Variants in SORCS2 observed in about 807,000 individuals in gnomAD.
SORCS2 encodes the protein sortilin related VPS10 domain containing receptor 2.
In SORCS2, 100 loss-of-function variants were observed where a neutral mutation model predicts 141.6. The ratio of observed to expected loss-of-function variants is 0.71; its 90% CI spans 0.60 to 0.83. SORCS2 has a LOEUF of 0.83. Among genes scored for constraint, SORCS2 ranks in the 40% least tolerant of loss-of-function variants. The pLI is 0.00. For missense variants in SORCS2, 1,646 were observed against 1,560.2 expected (o/e 1.05, Z -0.93); for synonymous variants, 789 against 676.9 (o/e 1.17, Z -2.57).
intron 2 of SORCS2, among the ~76,000 whole-genome samples, chr4:7,512,432 A>C: frequency 8.0e-6 from 1 of 125,104 alleles, no homozygotes; most frequent in South Asian, 2.8e-4. Context: ...AGGAGGGGGA[A>C]GGGAGGGAGG....
At chr4:7,416,301 G>A (rs962617335) in intron 2 of SORCS2, among the ~76,000 whole-genome samples, 14 of 152,140 alleles carry the variant, frequency 9.2e-5, no homozygotes, top group Admixed American at 7.8e-4. Flanking sequence ...GTGGGCAAAG[G>A]AGGCGTGGTA....
At chr4:7,202,049 T>C (rs1053045946) in intron 1 of SORCS2, among the ~76,000 whole-genome samples, 2 of 151,350 alleles carry the variant, frequency 1.3e-5, no homozygotes. Context: ...CATGGGGCTG[T>C]CAGTCTAAGT....
intron 1 of SORCS2, among the ~76,000 whole-genome samples, chr4:7,315,991 A>T (rs945523832): frequency 3.9e-5 from 6 of 151,990 alleles, no homozygotes; most frequent in African/African-American, 1.5e-4. Context: ...CCATCCATCC[A>T]TTCATATATT....
intron 3 of SORCS2, among the ~76,000 whole-genome samples, chr4:7,590,336 T>A (rs1716832813): frequency 1.3e-5 from 2 of 152,252 alleles, no homozygotes; most frequent in South Asian, 4.1e-4. Flanking sequence ...ATAGCTGTGC[T>A]TTCATCTTGC....
chr4:7,285,034 A>ATT (rs1421489650), intron 1 of SORCS2, among the ~76,000 whole-genome samples: 21 of 80,004 alleles, frequency 2.6e-4, no homozygotes, highest in African/African-American at 8.3e-4. Context: ...ATATATATAT[A>ATT]TATTTTTTTT....
chr4:7,582,426 C>T (rs142455098), intron 3 of SORCS2, among the ~76,000 whole-genome samples: 2 of 152,180 alleles, frequency 1.3e-5, no homozygotes, highest in African/African-American at 4.8e-5. Context: ...GATTTTACAT[C>T]GTCAAATACA....
intron 19 of SORCS2, 104 bp from the exon 20 acceptor site, chr4:7,725,050 G>C (rs1036098097): frequency 3.8e-5 from 47 of 1,243,890 alleles, no homozygotes; most frequent in Non-Finnish European, 4.7e-5. Context: ...AGTGGTGGTG[G>C]TGATGATAGC....
intron 1 of SORCS2, among the ~76,000 whole-genome samples, chr4:7,214,148 T>C (rs1343649017): frequency 5.3e-5 from 8 of 152,160 alleles, no homozygotes; most frequent in Non-Finnish European, 1.0e-4. Flanking sequence ...TGGGGACAGC[T>C]GGTGGGTGGG....
At chr4:7,480,502 G>A (rs995992657) in intron 2 of SORCS2, among the ~76,000 whole-genome samples, 1 of 152,228 alleles carries the variant, frequency 6.6e-6, no homozygotes, top group Admixed American at 6.5e-5. Context: ...GCAGCGTGCT[G>A]GGAGTGCAGG....
At chr4:7,518,237 T>G (rs1051934036) in intron 2 of SORCS2, among the ~76,000 whole-genome samples, 2 of 152,202 alleles carry the variant, frequency 1.3e-5, no homozygotes, top group Non-Finnish European at 2.9e-5. Flanking sequence ...TGATCGTATG[T>G]GGATTGCTAC....
chr4:7,577,823 G>C (rs1325431302), intron 3 of SORCS2, among the ~76,000 whole-genome samples: 1 of 150,208 alleles, frequency 6.7e-6, no homozygotes, highest in African/African-American at 2.5e-5. Flanking sequence ...TACAGGCGAA[G>C]TCAGCTAGTG....
In SORCS2 at chr4:7,731,884, A is replaced by G. The variant is rs113412945; in HGVS notation, c.3109-1438A>G. Among the ~76,000 whole-genome samples the G allele has an allele frequency of 8.7e-3, 1,327 of 152,382 alleles. 15 individuals are homozygous for G. The highest frequency in any genetic ancestry group is 0.03 in the African/African-American group (1,257 of 41,590). On this transcript the variant is annotated intron_variant, in intron 23 of 26. Coordinates refer to ENST00000507866, the MANE Select transcript of SORCS2 (RefSeq NM_020777.3). ...AAAACATAGTGAAAAACTATGCATCAGTTTGAGCAATGCTGTTTTGCAGAT... is the reference window on the plus strand; with the variant it reads ...AAAACATAGTGAAAAACTATGCATCGGTTTGAGCAATGCTGTTTTGCAGAT...
chr4:7,386,180 C>A (rs529513543), intron 1 of SORCS2, among the ~76,000 whole-genome samples: 2 of 141,060 alleles, frequency 1.4e-5, no homozygotes, highest in Non-Finnish European at 3.1e-5. Flanking sequence ...TGCGCACGCA[C>A]ACACATGCAC....
chr4:7,737,224 G>A (rs759428708), intron 26 of SORCS2, 52 bp downstream of exon 26: 42 of 1,547,118 alleles, frequency 2.7e-5, no homozygotes, highest in South Asian at 1.2e-4. Context: ...GGTAACGTCC[G>A]CCCCAAACCC....
intron 1 of SORCS2, among the ~76,000 whole-genome samples, chr4:7,231,997 T>G (rs1405817205): frequency 6.6e-6 from 1 of 152,218 alleles, no homozygotes; most frequent in African/African-American, 2.4e-5. Context: ...TGGCCCATCC[T>G]GGAGCTGTGT....
At chr4:7,546,638 A>G (rs1329954673) in intron 3 of SORCS2, among the ~76,000 whole-genome samples, 1 of 152,164 alleles carries the variant, frequency 6.6e-6, no homozygotes, top group African/African-American at 2.4e-5. Context: ...CGAAGGTCAG[A>G]GGTGCAGCCG....
At chr4:7,591,966 A>G (rs1026055632) in intron 3 of SORCS2, among the ~76,000 whole-genome samples, 9 of 152,114 alleles carry the variant, frequency 5.9e-5, no homozygotes, top group African/African-American at 1.7e-4. Flanking sequence ...CAGCCGACCA[A>G]CAGAAAATCC....
At chr4:7,682,387 C>T (rs1373968821) in intron 9 of SORCS2, among the ~76,000 whole-genome samples, 1 of 152,134 alleles carries the variant, frequency 6.6e-6, no homozygotes, top group African/African-American at 2.4e-5. Flanking sequence ...GAATCAGGAC[C>T]TCTGAGGCAA....
intron 1 of SORCS2, among the ~76,000 whole-genome samples, chr4:7,270,245 C>T (rs1024531913): frequency 3.9e-5 from 6 of 152,246 alleles, no homozygotes; most frequent in Admixed American, 6.5e-5. Flanking sequence ...TGAACGGGGC[C>T]GCAGAGCAGG....
Sources: allele counts gnomAD v4.1 joint callset (sites outside exome capture counted in the v4.1 genomes callset), GRCh38; gene constraint gnomAD v4.1.1; transcripts MANE v1.5; gene names NCBI Gene and HGNC (gene_info 2026-07-23, HGNC 2026-07-21).